Variants in CHCHD6 observed in about 807,000 individuals in gnomAD.
CHCHD6 encodes MICOS complex subunit MIC25.
CHCHD6 carries 28 observed loss-of-function variants against 32.3 expected under a neutral mutation model. The ratio of observed to expected loss-of-function variants is 0.87; its 90% confidence interval spans 0.64 to 1.19. The LOEUF (loss-of-function observed/expected upper bound fraction) is 1.19. Among genes scored for constraint, CHCHD6 ranks in the 50% most tolerant of loss-of-function variants. CHCHD6 has a pLI of 0.00. For missense variants in CHCHD6, 333 were observed against 307.0 expected (o/e 1.08, Z -0.63); for synonymous variants, 122 against 117.5 (o/e 1.04, Z -0.25).
At chr3:126,856,292 A>G (rs1941665398) in intron 5 of CHCHD6, among the ~76,000 whole-genome samples, 2 of 152,210 alleles carry the variant, frequency 1.3e-5, no homozygotes, top group South Asian at 4.1e-4. Context: ...AATGCCCTGT[A>G]CAGCTGTGTT....
chr3:126,903,168 G>A (rs951939416), intron 5 of CHCHD6, among the ~76,000 whole-genome samples: 3 of 152,162 alleles, frequency 2.0e-5, no homozygotes, highest in Non-Finnish European at 2.9e-5. Context: ...GCAGTGCCTC[G>A]TCCAGCCTTC....
Position 126,952,566 on chromosome 3 carries a change from G to A in CHCHD6, c.567-4850G>A, listed in dbSNP as rs550344666. The stretch of plus-strand genomic sequence containing the variant: ...AGGCAGTGAGGGCCAGGCAGGTGCC[G>A]TCAGCTGAGCAGTGAGGCTCGGCAT... On this transcript the variant is annotated intron_variant, in intron 6 of 7. Transcript: ENST00000290913. 7.8e-4 allele frequency among the ~76,000 whole-genome samples: 119 copies of A among 152,266 alleles called. 1 individual carries two copies. Among genetic ancestry groups the A allele is most frequent in the Admixed American group, 7.2e-4 (11 of 15,300 alleles).
intron 6 of CHCHD6, among the ~76,000 whole-genome samples, chr3:126,920,275 TGAACATATTAGTTACAG>T (rs2078228686): frequency 6.6e-6 from 1 of 151,930 alleles, no homozygotes; most frequent in South Asian, 2.1e-4. Context: ...TCTATTTTCT[TGAACATATTAGTTACAG>T]TTATTTTAAA....
intron 6 of CHCHD6, among the ~76,000 whole-genome samples, chr3:126,923,206 T>A (rs2078277912): frequency 6.6e-6 from 1 of 152,250 alleles, no homozygotes; most frequent in Non-Finnish European, 1.5e-5. Context: ...CAATTCTGAA[T>A]CTCTGTTCTC....
chr3:126,863,367 C>T (rs1312624191), intron 5 of CHCHD6, among the ~76,000 whole-genome samples: 1 of 124,358 alleles, frequency 8.0e-6, no homozygotes, highest in African/African-American at 3.3e-5. Flanking sequence ...CCATCACCAC[C>T]TCCTCCTCCT....
intron 4 of CHCHD6, among the ~76,000 whole-genome samples, chr3:126,771,157 T>G (rs1937534967): frequency 6.6e-6 from 1 of 152,056 alleles, no homozygotes; most frequent in Admixed American, 6.6e-5. Flanking sequence ...TCTATTTCTG[T>G]GGGGTCAGTG....
At chr3:126,790,228 C>T (rs1487850762) in intron 4 of CHCHD6, among the ~76,000 whole-genome samples, 1 of 152,014 alleles carries the variant, frequency 6.6e-6, no homozygotes, top group Non-Finnish European at 1.5e-5. Context: ...TGTGGGTAAC[C>T]CAACCTTTCT....
intron 4 of CHCHD6, among the ~76,000 whole-genome samples, chr3:126,743,758 T>C (rs1936381178): frequency 2.0e-5 from 3 of 152,160 alleles, no homozygotes; most frequent in Admixed American, 6.5e-5. Flanking sequence ...GAGAGTGGCA[T>C]TGGAGCAGCA....
chr3:126,731,561 G>A (rs888472313), intron 3 of CHCHD6, among the ~76,000 whole-genome samples: 2 of 152,180 alleles, frequency 1.3e-5, no homozygotes, highest in Non-Finnish European at 2.9e-5. Context: ...AGAGTTCTCA[G>A]TGGATGCTCA....
chr3:126,721,480 C>T (rs895633632), intron 1 of CHCHD6, among the ~76,000 whole-genome samples: 5 of 152,176 alleles, frequency 3.3e-5, no homozygotes, highest in Admixed American at 2.0e-4. Context: ...TGGCTGCTTC[C>T]GGCCACTGGA....
At position 126,742,392 on chromosome 3, in the gene CHCHD6, C is replaced by T. The variant is rs549346975; in HGVS notation, c.411+9170C>T. 6.6e-5 allele frequency among the ~76,000 whole-genome samples: 10 copies of T among 152,328 alleles called. No homozygotes were observed. The East Asian group carries it at 9.6e-4, about 15-fold the overall frequency. On this transcript the variant is annotated intron_variant, in intron 4 of 7. Coordinates refer to ENST00000290913, the MANE Select transcript of CHCHD6 (RefSeq NM_032343.3). ...CCAATAGACCTGTGGGCTGAGCTTC[C>T]GGTATCTCCCCTAAGAAAACTGTTG...
chr3:126,868,133 G>A (rs865994784), intron 5 of CHCHD6, among the ~76,000 whole-genome samples: 1 of 152,200 alleles, frequency 6.6e-6, no homozygotes, highest in Non-Finnish European at 1.5e-5. Context: ...TTCTTTGTAG[G>A]GCTGCCACAT....
intron 5 of CHCHD6, among the ~76,000 whole-genome samples, chr3:126,891,713 C>T (rs1353576369): frequency 6.6e-6 from 1 of 152,046 alleles, no homozygotes; most frequent in African/African-American, 2.4e-5. Flanking sequence ...GTGAGAAGTG[C>T]TTGGGCTTGA....
At chr3:126,934,061 C>A (rs1237649781) in intron 6 of CHCHD6, among the ~76,000 whole-genome samples, 2 of 152,204 alleles carry the variant, frequency 1.3e-5, no homozygotes, top group African/African-American at 4.8e-5. Flanking sequence ...GGCTCAAGGT[C>A]TGAGAACCTG....
chr3:126,898,515 T>TTTAG (rs1180037139), intron 5 of CHCHD6, among the ~76,000 whole-genome samples: 2 of 152,096 alleles, frequency 1.3e-5, no homozygotes, highest in Non-Finnish European at 1.5e-5. Context: ...AATTTATTTA[T>TTTAG]TTAGTTAGTT....
In CHCHD6 at chr3:126,704,319, A is replaced by G; in HGVS notation, c.7A>G (p.Ser3Gly). The stretch of plus-strand genomic sequence containing the variant: ...GGCCCTGCGGCATCTCGCCATGGGG[A>G]GCACGGAGAGCAGCGAGGGCCGCAG... MG[S>G]TESSEGRRVS... Residue 3 changes from serine (S) to glycine (G), a missense_variant, in exon 1 of 8, where the codon AGC (serine) becomes GGC (glycine). Physicochemically the swap from Ser to Gly is moderately conservative, Grantham distance 56. Coordinates refer to ENST00000290913, the MANE Select transcript of CHCHD6 (RefSeq NM_032343.3). 6.2e-7 allele frequency: 1 copy of G among 1,603,690 alleles called. No individual in the cohort carries two copies.
chr3:126,941,814 A>G (rs1386942752), intron 6 of CHCHD6, among the ~76,000 whole-genome samples: 1 of 152,134 alleles, frequency 6.6e-6, no homozygotes, highest in Non-Finnish European at 1.5e-5. Flanking sequence ...ACTTCCATGC[A>G]CCATGGGCCT....
chr3:126,821,451 C>T (rs954681739), intron 4 of CHCHD6, among the ~76,000 whole-genome samples: 21 of 152,090 alleles, frequency 1.4e-4, no homozygotes, highest in Non-Finnish European at 2.8e-4. Flanking sequence ...GTGCCCACCA[C>T]CCCTGGCTAA....
chr3:126,816,163 T>C (rs1939888093), intron 4 of CHCHD6, among the ~76,000 whole-genome samples: 1 of 152,000 alleles, frequency 6.6e-6, no homozygotes, highest in Non-Finnish European at 1.5e-5. Flanking sequence ...GGCCAGGACC[T>C]CCCCGAGGTC....
Sources: allele counts gnomAD v4.1 joint callset (sites outside exome capture counted in the v4.1 genomes callset), GRCh38; gene constraint gnomAD v4.1.1; transcripts MANE v1.5; gene names NCBI Gene and HGNC (gene_info 2026-07-23, HGNC 2026-07-21).